The following ZFAND6 variants were observed in gnomAD, a reference collection of about 807,000 sequenced individuals.
The protein encoded by ZFAND6 is zinc finger AN1-type containing 6.
Under a neutral mutation model 24.5 loss-of-function variants are expected in ZFAND6, and 12 were observed. The ratio of observed to expected loss-of-function variants is 0.49; its 90% CI spans 0.31 to 0.79. The LOEUF is 0.79. Among genes scored for constraint, ZFAND6 ranks in the 30% least tolerant of loss-of-function variants. ZFAND6 has a pLI of 0.04. For synonymous variants in ZFAND6, 92 were observed against 81.5 expected (o/e 1.13, Z -0.69); for missense variants, 207 against 245.9 (o/e 0.84, Z 1.06).
At chr15:80,134,926 A>T (rs752715878) in intron 6 of ZFAND6, among the ~76,000 whole-genome samples, 1 of 152,264 alleles carries the variant, frequency 6.6e-6, no homozygotes, top group Non-Finnish European at 1.5e-5. Context: ...CTGAAACTAA[A>T]GCAAATGGTG....
At chr15:80,072,357 A>G (rs1297139737) in intron 1 of ZFAND6, among the ~76,000 whole-genome samples, 3 of 152,164 alleles carry the variant, frequency 2.0e-5, no homozygotes, top group Non-Finnish European at 4.4e-5. Flanking sequence ...CAAACAGTAT[A>G]TGATGGGAAA....
At chr15:80,069,619 T>C (rs2036857796) in intron 1 of ZFAND6, among the ~76,000 whole-genome samples, 1 of 151,022 alleles carries the variant, frequency 6.6e-6, no homozygotes, top group Non-Finnish European at 1.5e-5. Context: ...TTTTTTTATT[T>C]TTTGTTATTT....
chr15:80,100,351 A>T (rs538403035), intron 2 of ZFAND6, among the ~76,000 whole-genome samples: 1 of 152,330 alleles, frequency 6.6e-6, no homozygotes, highest in South Asian at 2.1e-4. Context: ...TTTGGAACAT[A>T]CTAATGAAAC....
chr15:80,087,183 A>AT (rs1267441502), intron 1 of ZFAND6, among the ~76,000 whole-genome samples: 19 of 152,190 alleles, frequency 1.2e-4, no homozygotes. Flanking sequence ...TAGGAGTGGA[A>AT]TTTCTAGGTC....
At chr15:80,082,800 T>G (rs190804672) in intron 1 of ZFAND6, among the ~76,000 whole-genome samples, 6 of 152,278 alleles carry the variant, frequency 3.9e-5, no homozygotes. Flanking sequence ...TGAGTTTATA[T>G]CTTCTGGTTC....
chr15:80,091,871 C>T (rs1018479808), intron 1 of ZFAND6, among the ~76,000 whole-genome samples: 3 of 152,142 alleles, frequency 2.0e-5, no homozygotes, highest in Non-Finnish European at 4.4e-5. Context: ...AACTCCTGAC[C>T]TCAAGCGATC....
chr15:80,080,012 T>C (rs895662640), intron 1 of ZFAND6, among the ~76,000 whole-genome samples: 2 of 151,640 alleles, frequency 1.3e-5, no homozygotes, highest in East Asian at 1.9e-4. Context: ...CTTTTTTTTT[T>C]CTTTGAGATA....
chr15:80,089,209 G>T (rs1161179065), intron 1 of ZFAND6, among the ~76,000 whole-genome samples: 1 of 148,206 alleles, frequency 6.7e-6, no homozygotes, highest in Non-Finnish European at 1.5e-5. Flanking sequence ...AAAGCTGTGA[G>T]ATCCTTTGTG....
intron 1 of ZFAND6, among the ~76,000 whole-genome samples, chr15:80,082,725 T>G (rs188656300): frequency 6.6e-6 from 1 of 152,218 alleles, no homozygotes; most frequent in African/African-American, 2.4e-5. Flanking sequence ...TGGAAACTGG[T>G]AAGAGTTCCA....
intron 2 of ZFAND6, among the ~76,000 whole-genome samples, chr15:80,119,031 T>TAC (rs1360006556): frequency 6.6e-6 from 1 of 152,192 alleles, no homozygotes; most frequent in Non-Finnish European, 1.5e-5. Flanking sequence ...GTAATACATA[T>TAC]ACACCCATTT....
intron 1 of ZFAND6, among the ~76,000 whole-genome samples, chr15:80,070,427 T>C (rs2036909932): frequency 6.6e-6 from 1 of 152,260 alleles, no homozygotes; most frequent in South Asian, 2.1e-4. Context: ...ATCTCGGTTA[T>C]ACATTTTATG....
intron 5 of ZFAND6, among the ~76,000 whole-genome samples, chr15:80,128,280 A>G (rs1007443649): frequency 2.6e-5 from 4 of 152,182 alleles, no homozygotes; most frequent in African/African-American, 9.7e-5. Context: ...TATAATAAAA[A>G]CCACTGAATT....
At chr15:80,090,990 C>G (rs910147552) in intron 1 of ZFAND6, among the ~76,000 whole-genome samples, 1 of 152,188 alleles carries the variant, frequency 6.6e-6, no homozygotes, top group African/African-American at 2.4e-5. Context: ...TTATGTTTTT[C>G]TACTGAAATA....
intron 1 of ZFAND6, among the ~76,000 whole-genome samples, chr15:80,097,699 A>C (rs1178191013): frequency 6.6e-6 from 1 of 152,046 alleles, no homozygotes; most frequent in Non-Finnish European, 1.5e-5. Flanking sequence ...TTTGCAGTGC[A>C]AACTGTCATT....
Position 80,138,360 on chromosome 15 carries a change from T to C in ZFAND6, c.*732T>C, listed in dbSNP as rs998543552. The C allele has an allele frequency of 2.0e-5, 3 of 152,670 alleles. No homozygotes were observed. Among genetic ancestry groups the C allele is most frequent in the African/African-American group, 7.2e-5 (3 of 41,472 alleles). 9.5% of individuals were successfully genotyped at this position (152,670 alleles called of 1,614,324 possible). ...TTATGTTTATTCACCAGTCTTTGAT[T>C]AAATAAAAAGGAAAACCAGAATGCT... On this transcript the variant is annotated 3_prime_UTR_variant, in exon 7 of 7. Transcript: ENST00000261749.
At chr15:80,094,474 C>T (rs1483708412) in intron 1 of ZFAND6, among the ~76,000 whole-genome samples, 1 of 151,832 alleles carries the variant, frequency 6.6e-6, no homozygotes, top group Non-Finnish European at 1.5e-5. Flanking sequence ...CCACCCCTAC[C>T]CCCTACCCCA....
chr15:80,114,282 G>A (rs116922519), intron 2 of ZFAND6, among the ~76,000 whole-genome samples: 80 of 152,296 alleles, frequency 5.3e-4, no homozygotes, highest in Non-Finnish European at 9.8e-4. Flanking sequence ...GTAATAAAAT[G>A]GCAAAGCTGG....
intron 1 of ZFAND6, among the ~76,000 whole-genome samples, chr15:80,091,925 C>T (rs1242462795): frequency 2.0e-5 from 3 of 152,172 alleles, no homozygotes; most frequent in Admixed American, 6.5e-5. Context: ...CAAACATGAG[C>T]CTCCGTACCT....
chr15:80,077,734 C>CT (rs1173685789), intron 1 of ZFAND6, among the ~76,000 whole-genome samples: 3 of 134,250 alleles, frequency 2.2e-5, no homozygotes, highest in Non-Finnish European at 4.6e-5. Flanking sequence ...GAGTCTCGCT[C>CT]TGTCACCCAG....
Sources: allele counts gnomAD v4.1 joint callset (sites outside exome capture counted in the v4.1 genomes callset), GRCh38; gene constraint gnomAD v4.1.1; transcripts MANE v1.5; gene names NCBI Gene and HGNC (gene_info 2026-07-23, HGNC 2026-07-21).